The following ARHGAP42 variants were observed in gnomAD, a reference collection of about 807,000 sequenced individuals.
The protein encoded by ARHGAP42 is rho GTPase-activating protein 42.
A neutral mutation model predicts 125.0 loss-of-function variants in ARHGAP42; 63 were observed. The observed-to-expected ratio is 0.50, with a 90% CI of 0.41 to 0.62. The LOEUF (loss-of-function observed/expected upper bound fraction) is 0.62, where lower values mean the gene tolerates loss of function less well. Ranked by LOEUF, ARHGAP42 falls within the 20% of genes least tolerant of loss-of-function variation. ARHGAP42 has a pLI of 0.00. For missense variants in ARHGAP42, 766 were observed against 1,024.2 expected (o/e 0.75, Z 3.44); for synonymous variants, 339 against 351.0 (o/e 0.97, Z 0.38).
intron 3 of ARHGAP42, 101 bp from the exon 4 acceptor site, chr11:100,859,453 C>T (rs1865394132): frequency 4.1e-6 from 4 of 982,772 alleles, no homozygotes; most frequent in Non-Finnish European, 5.9e-6. Context: ...CAAACAAAAA[C>T]AAAAACAGTC....
intron 1 of ARHGAP42, among the ~76,000 whole-genome samples, chr11:100,757,143 G>T (rs1469896677): frequency 6.6e-6 from 1 of 152,070 alleles, no homozygotes; most frequent in Admixed American, 6.5e-5. Context: ...TGAGAAAATG[G>T]TAAATAAGAC....
chr11:100,695,601 G>A (rs1379788607), intron 1 of ARHGAP42, among the ~76,000 whole-genome samples: 1 of 151,996 alleles, frequency 6.6e-6, no homozygotes, highest in East Asian at 1.9e-4. Flanking sequence ...CACCGCACCC[G>A]GCCTCTAGGA....
At chr11:100,854,919 G>A (rs563828015) in intron 3 of ARHGAP42, among the ~76,000 whole-genome samples, 1 of 152,248 alleles carries the variant, frequency 6.6e-6, no homozygotes, top group East Asian at 1.9e-4. Context: ...AAATATGAAT[G>A]GGAAAATAAC....
chr11:100,745,357 C>T (rs190757615), intron 1 of ARHGAP42, among the ~76,000 whole-genome samples: 9 of 152,258 alleles, frequency 5.9e-5, no homozygotes, highest in East Asian at 5.8e-4. Flanking sequence ...AAAGAAGAAG[C>T]TTCACTGGAT....
At chr11:100,772,150 T>A (rs181701668) in intron 2 of ARHGAP42, among the ~76,000 whole-genome samples, 4 of 152,286 alleles carry the variant, frequency 2.6e-5, no homozygotes, top group Non-Finnish European at 1.5e-5. Flanking sequence ...TAGCAAGTCT[T>A]AGCACAGACC....
chr11:100,866,991 A>G (rs1865584397), intron 4 of ARHGAP42, among the ~76,000 whole-genome samples: 1 of 152,216 alleles, frequency 6.6e-6, no homozygotes, highest in African/African-American at 2.4e-5. Context: ...AATGAGTAGT[A>G]CTATATTTTA....
chr11:100,885,936 G>A (rs548732042), intron 4 of ARHGAP42, among the ~76,000 whole-genome samples: 13 of 152,280 alleles, frequency 8.5e-5, no homozygotes, highest in Admixed American at 2.0e-4. Flanking sequence ...CTGTTTCCCC[G>A]TAATTGCATT....
chr11:100,864,752 T>C (rs1376344204), intron 4 of ARHGAP42, among the ~76,000 whole-genome samples: 2 of 152,180 alleles, frequency 1.3e-5, no homozygotes, highest in African/African-American at 4.8e-5. Context: ...TTTCTTTACC[T>C]TTAACAAATA....
chr11:100,702,374 C>A (rs1298888577), intron 1 of ARHGAP42, among the ~76,000 whole-genome samples: 2 of 151,846 alleles, frequency 1.3e-5, no homozygotes, highest in African/African-American at 4.8e-5. Context: ...TTCATGGCAT[C>A]CCAAAACAAT....
chr11:100,700,973 A>G (rs1861386037), intron 1 of ARHGAP42, among the ~76,000 whole-genome samples: 1 of 152,214 alleles, frequency 6.6e-6, no homozygotes, highest in African/African-American at 2.4e-5. Context: ...TACAAAATGT[A>G]TCTCTTAAAT....
chr11:100,803,618 T>C (rs994994896), intron 3 of ARHGAP42, among the ~76,000 whole-genome samples: 37 of 152,190 alleles, frequency 2.4e-4, no homozygotes, highest in African/African-American at 8.2e-4. Flanking sequence ...CAGACATAGG[T>C]GGTGGACCCA....
intron 11 of ARHGAP42, among the ~76,000 whole-genome samples, 192 bp from the exon 12 acceptor site, chr11:100,949,725 G>A (rs1014195365): frequency 6.6e-6 from 1 of 152,134 alleles, no homozygotes; most frequent in African/African-American, 2.4e-5. Flanking sequence ...GAAAAGGAGT[G>A]GGAAGTGAGG....
At chr11:100,897,233 G>A (rs546403467) in intron 4 of ARHGAP42, among the ~76,000 whole-genome samples, 7 of 152,226 alleles carry the variant, frequency 4.6e-5, no homozygotes, top group African/African-American at 1.7e-4. Flanking sequence ...TGCTATTTTG[G>A]TTACTATAAC....
intron 4 of ARHGAP42, among the ~76,000 whole-genome samples, chr11:100,899,076 T>G (rs192128775): frequency 0.023 from 3,578 of 152,346 alleles, 60 homozygotes; most frequent in Non-Finnish European, 0.039. Context: ...AACATCTTTA[T>G]TTCTGCCTTC....
Position 100,818,518 on chromosome 11 carries a change from G to T in ARHGAP42, c.312+23352G>T, listed in dbSNP as rs114076244. Among the ~76,000 whole-genome samples the T allele has an allele frequency of 3.4e-3, 513 of 152,292 alleles. 3 individuals carry two copies. The highest frequency in any genetic ancestry group is 0.012 in the African/African-American group (496 of 41,572). On this transcript the variant is annotated intron_variant, in intron 3 of 23. Coordinates refer to ENST00000298815, the MANE Select transcript of ARHGAP42 (RefSeq NM_152432.4). Reference sequence around the variant, plus strand: ...TAGCCTCTGCTATCAGCTCTGAAATGATATATGCCAATGACAGCAGATAGA... The same window carrying T: ...TAGCCTCTGCTATCAGCTCTGAAATTATATATGCCAATGACAGCAGATAGA...
intron 19 of ARHGAP42, 113 bp from the exon 20 acceptor site, chr11:100,975,944 G>T: frequency 4.9e-6 from 6 of 1,212,510 alleles, no homozygotes; most frequent in Non-Finnish European, 6.7e-6. Flanking sequence ...CCACTTTAAT[G>T]GGGTCAGGTG....
chr11:100,720,953 A>T (rs1438653028), intron 1 of ARHGAP42, among the ~76,000 whole-genome samples: 1 of 151,918 alleles, frequency 6.6e-6, no homozygotes, highest in African/African-American at 2.4e-5. Flanking sequence ...GAATTTTTTT[A>T]AGTTTTTTTT....
chr11:100,914,266 A>G (rs1377756170), intron 5 of ARHGAP42, among the ~76,000 whole-genome samples: 2 of 152,122 alleles, frequency 1.3e-5, no homozygotes, highest in African/African-American at 4.8e-5. Flanking sequence ...ATTATTTTAT[A>G]TGAAATTCTT....
chr11:100,922,958 A>C (rs11224514), intron 6 of ARHGAP42, among the ~76,000 whole-genome samples: 26,666 of 152,194 alleles, frequency 0.18, 3,152 homozygotes, highest in Middle Eastern at 0.27. Context: ...TAACAAACTG[A>C]AGTTCAAGTT....
Sources: allele counts gnomAD v4.1 joint callset (sites outside exome capture counted in the v4.1 genomes callset), GRCh38; gene constraint gnomAD v4.1.1; transcripts MANE v1.5; gene names NCBI Gene and HGNC (gene_info 2026-07-23, HGNC 2026-07-21).